DDB1: variants seen among roughly 807,000 people sequenced by gnomAD.
DDB1 encodes the protein damage specific DNA binding protein 1.
In DDB1, 18 loss-of-function variants were observed where a neutral mutation model predicts 133.1. That is an observed-to-expected ratio of 0.14 (90% CI 0.09 to 0.20). The LOEUF (loss-of-function observed/expected upper bound fraction) is 0.20, where lower values mean the gene tolerates loss of function less well. DDB1 is among the 10% of genes least tolerant of loss of function. The pLI is 1.00. For missense variants in DDB1, 828 were observed against 1,459.2 expected (o/e 0.57, Z 7.05); for synonymous variants, 580 against 550.5 (o/e 1.05, Z -0.75).
rs1273169338 is a variant in DDB1, at chr11:61,313,678, A to G, written c.1890T>C (p.Thr630=). 5 of 1,613,390 alleles carry G rather than the reference A, an allele frequency of 3.1e-6. No homozygotes were observed. Among genetic ancestry groups the G allele is most frequent in the Non-Finnish European group, 3.4e-6 (4 of 1,179,676 alleles). Residue 630 remains threonine, a synonymous_variant, in exon 16 of 27, where the codon ACT becomes ACC. Transcript: ENST00000301764. ...TCAATACGGTGGGCTGGGTGCCCAA[A>G]GTCACCTTCTTACGGTCGCTCAACA... is the stretch of plus-strand genomic sequence containing the variant. ...TGLLSDRKKV[T]LGTQPTVLRT...
chr11:61,329,353 G>C lies in DDB1; in HGVS notation c.549+10C>G. 6.2e-7 allele frequency: 1 copy of C among 1,613,340 alleles called. No individual in the cohort carries two copies. Among genetic ancestry groups the C allele is most frequent in the Non-Finnish European group, 8.5e-7 (1 of 1,179,442 alleles). On this transcript the variant is annotated intron_variant, in intron 4 of 26. Transcript: ENST00000301764. ...TCACAGTTTCTCGCTCTCTCTTCCT[G>C]ATCCAGTACCTGGTAGACAAAGCAA...
intron 18 of DDB1, 39 bp from the exon 19 acceptor site, chr11:61,310,457 CAGA>C (rs564289747): frequency 2.8e-5 from 43 of 1,562,296 alleles, no homozygotes; most frequent in South Asian, 1.6e-4. Context: ...TTCTCAAACA[CAGA>C]AGAAGTGCTG....
At position 61,322,279 on chromosome 11, in the gene DDB1, T is replaced by A; in HGVS notation, c.1122+17A>T. The A allele has an allele frequency of 6.2e-7, 1 of 1,600,698 alleles. No homozygotes were observed. The highest frequency in any genetic ancestry group is 1.1e-5 in the South Asian group (1 of 90,778). ...AGTGGGCATATACCAACTATCCACT[T>A]TCAGAATGGCCCTTACCTGCCCCTG... On this transcript the variant is annotated intron_variant, in intron 9 of 26. Transcript: ENST00000301764.
intron 10 of DDB1, among the ~76,000 whole-genome samples, chr11:61,320,833 A>G (rs1856165891): frequency 6.6e-6 from 1 of 151,584 alleles, no homozygotes; most frequent in South Asian, 2.1e-4. Flanking sequence ...ATTCTGTCAT[A>G]CTGTTTTAGG....
chr11:61,325,322 A>G lies in DDB1; in HGVS notation c.762+289T>C, dbSNP rs768901046. Among the ~76,000 whole-genome samples the G allele has an allele frequency of 3.9e-5, 6 of 152,296 alleles. No individual in the cohort carries two copies. The East Asian group carries it at 9.6e-4, about 24-fold the overall frequency. On this transcript the variant is annotated intron_variant, in intron 6 of 26. Transcript: ENST00000301764. ...CACTGCATTCTAGCTCTCCAGCCTG[A>G]GCGACAGAGTAAGACCCTGTCTCTT...
At chr11:61,304,108 C>A in intron 21 of DDB1, 73 bp from the exon 22 acceptor site, 1 of 1,551,474 alleles carries the variant, frequency 6.4e-7, no homozygotes, top group Non-Finnish European at 8.8e-7. Context: ...AACTCTTCGA[C>A]CCTTCATCTG....
chr11:61,322,489 A>G (rs528069380), intron 8 of DDB1, 77 bp from the exon 9 acceptor site: 6 of 1,093,278 alleles, frequency 5.5e-6, no homozygotes, highest in Non-Finnish European at 7.0e-6. Flanking sequence ...TTATTGTCCA[A>G]AAGAAACTCT....
chr11:61,316,434 T>C (rs760942411), intron 11 of DDB1, 41 bp from the exon 12 acceptor site: 13 of 1,613,560 alleles, frequency 8.1e-6, no homozygotes, highest in Non-Finnish European at 1.0e-5. Context: ...TGGGACCAGC[T>C]TCCCCACCTC....
Position 61,302,657 on chromosome 11 carries a change from C to A in DDB1, c.3037G>T (p.Val1013Leu). ...GAAGTCTCACCCAGATTCTGCATTA[C>A]CAGAGAGCCGTGGCAAAAGACATTG... ...FVNVFCHGSL[V>L]MQNLGETSTP... is the part of the protein sequence containing the mutation. The change falls in exon 24 of 27, where the codon GTA (valine) becomes TTA (leucine). Residue 1013 changes from valine (V) to leucine (L), a missense_variant. Coordinates refer to ENST00000301764, the MANE Select transcript of DDB1 (RefSeq NM_001923.5). 1 of 1,614,200 alleles carries A rather than the reference C, an allele frequency of 6.2e-7. No individual in the cohort carries two copies. The highest frequency in any genetic ancestry group is 8.5e-7 in the Non-Finnish European group (1 of 1,180,042).
chr11:61,326,645 A>C (rs1239089711), intron 5 of DDB1, 134 bp downstream of exon 5: 7 of 764,844 alleles, frequency 9.2e-6, no homozygotes, highest in Non-Finnish European at 1.4e-5. Context: ...GAAAACATAA[A>C]GGAGTGGTAA....
chr11:61,301,088 G>GA (rs1326312277), intron 25 of DDB1, 156 bp from the exon 26 acceptor site: 23 of 1,102,048 alleles, frequency 2.1e-5, no homozygotes, highest in Non-Finnish European at 2.9e-5. Context: ...TTTTGGAATT[G>GA]AAAAAAATGT....
intron 1 of DDB1, 86 bp downstream of exon 1, chr11:61,332,822 G>T: frequency 8.0e-7 from 1 of 1,251,872 alleles, no homozygotes; most frequent in Non-Finnish European, 1.0e-6. Context: ...CTCCTGCCCG[G>T]CCGCCCCCGG....
Position 61,303,046 on chromosome 11 carries a change from C to T in DDB1, c.2942G>A (p.Ser981Asn), listed in dbSNP as rs1446618681. Residue 981 changes from serine (S) to asparagine (N), a missense_variant and splice_region_variant, in exon 23 of 27, where the codon AGC becomes AAC. Transcript: ENST00000301764. ...ACTCCCAGAGCTGGCCACTACTCACCTATCCTTTTGACACACAAACAAGTT... is the reference window on the plus strand; with the variant it reads ...ACTCCCAGAGCTGGCCACTACTCACTTATCCTTTTGACACACAAACAAGTT... ...AFNLFVCQKD[S>N]AATTDEERQH... 1 of 1,614,064 alleles carries T rather than the reference C, an allele frequency of 6.2e-7. No individual in the cohort carries two copies. Among genetic ancestry groups the T allele is most frequent in the East Asian group, 2.2e-5 (1 of 44,882 alleles).
At position 61,300,183 on chromosome 11, in the gene DDB1, C is replaced by T. The variant is rs1034627868; in HGVS notation, c.3376G>A (p.Ala1126Thr). The T allele has an allele frequency of 6.2e-7, 1 of 1,614,180 alleles. No homozygotes were observed. The highest frequency in any genetic ancestry group is 8.5e-7 in the Non-Finnish European group (1 of 1,180,030). ...TCCACAACCTTGATGAGGTCGTCTG[C>T]AGTGGCCTCTCGCTTCATACCGCTG... Reference protein sequence around the residue: ...DGSGMKREATADDLIKVVEEL... With the variant: ...DGSGMKREATTDDLIKVVEEL... The change falls in exon 27 of 27, where the codon GCA becomes ACA. Residue 1126 changes from alanine to threonine, a missense_variant. Coordinates refer to ENST00000301764, the MANE Select transcript of DDB1 (RefSeq NM_001923.5).
intron 10 of DDB1, among the ~76,000 whole-genome samples, chr11:61,320,960 T>A (rs1856168321): frequency 2.0e-5 from 3 of 152,052 alleles, no homozygotes; most frequent in Admixed American, 2.0e-4. Context: ...CATGGCTCTC[T>A]ACAGCCTCAA....
At chr11:61,329,338 T>C (rs1351893345) in intron 4 of DDB1, 25 bp downstream of exon 4, 1 of 1,610,206 alleles carries the variant, frequency 6.2e-7, no homozygotes, top group Admixed American at 1.7e-5. Flanking sequence ...TCACAGTTTC[T>C]CGCTCTCTCT....
At position 61,312,013 on chromosome 11, in the gene DDB1, G is replaced by C; in HGVS notation, c.2141C>G (p.Thr714Arg). 6.2e-7 allele frequency: 1 copy of C among 1,614,244 alleles called. No homozygotes were observed. The highest frequency in any genetic ancestry group is 8.5e-7 in the Non-Finnish European group (1 of 1,180,048). ...IDEIQKLHIR[T>R]VPLYESPRKI... is the part of the protein sequence containing the mutation. Reference sequence around the variant, plus strand: ...CCTTGGAGACTCATAGAGGGGAACTGTGCGAATGTGCAGCTTCTGGATCTC... The same window carrying C: ...CCTTGGAGACTCATAGAGGGGAACTCTGCGAATGTGCAGCTTCTGGATCTC... The change falls in exon 17 of 27, where the codon ACA becomes AGA. Residue 714 changes from threonine to arginine, a missense_variant. Physicochemically the swap from Thr to Arg is moderately conservative, Grantham distance 71. This residue lies in a region of DDB1 where 396 missense variants were observed against 554.1 expected (regional missense o/e 0.71). Transcript: ENST00000301764.
At chr11:61,331,917 T>C in intron 1 of DDB1, 2 of 527,992 alleles carry the variant, frequency 3.8e-6, no homozygotes, top group East Asian at 3.2e-5. Context: ...AAAACTGGAC[T>C]GGACCTAAGA....
chr11:61,306,991 T>C (rs1433787815), intron 21 of DDB1, among the ~76,000 whole-genome samples: 5 of 152,196 alleles, frequency 3.3e-5, no homozygotes, highest in African/African-American at 4.8e-5. Context: ...CCTTCCCATC[T>C]TCTCTCTCAG....
Sources: allele counts gnomAD v4.1 joint callset (sites outside exome capture counted in the v4.1 genomes callset), GRCh38; gene constraint gnomAD v4.1.1; regional missense constraint gnomAD v4.1.1; transcripts MANE v1.5; gene names NCBI Gene and HGNC (gene_info 2026-07-23, HGNC 2026-07-21).